The following TLL2 variants were observed in gnomAD, a reference collection of about 807,000 sequenced individuals.
The protein encoded by TLL2 is tolloid-like protein 2.
In TLL2, 106 loss-of-function variants were observed where a neutral mutation model predicts 123.0. The ratio of observed to expected loss-of-function variants is 0.86; its 90% CI spans 0.74 to 1.01. The LOEUF (loss-of-function observed/expected upper bound fraction) is 1.01. Among genes scored for constraint, TLL2 ranks in the 50% least tolerant of loss-of-function variants. The pLI, the probability that TLL2 is intolerant of heterozygous loss-of-function variation, is 0.00. For synonymous variants in TLL2, 494 were observed against 516.8 expected (o/e 0.96, Z 0.60); for missense variants, 1,332 against 1,336.7 (o/e 1.00, Z 0.06).
chr10:96,380,907 G>C (rs1424925915), intron 16 of TLL2, among the ~76,000 whole-genome samples: 2 of 151,446 alleles, frequency 1.3e-5, no homozygotes. Flanking sequence ...AAGCCAGGAG[G>C]CGGAGATTGC....
At chr10:96,392,857 C>T (rs373890845) in intron 13 of TLL2, among the ~76,000 whole-genome samples, 2 of 152,048 alleles carry the variant, frequency 1.3e-5, no homozygotes, top group African/African-American at 4.8e-5. Context: ...AATGAAGGAT[C>T]TTGGAGATGA....
At chr10:96,508,350 A>G (rs1379271229) in intron 1 of TLL2, among the ~76,000 whole-genome samples, 1 of 152,178 alleles carries the variant, frequency 6.6e-6, no homozygotes, top group Non-Finnish European at 1.5e-5. Context: ...GAGCCCCAAA[A>G]TGAAACCTGA....
chr10:96,475,689 C>T (rs565544212), intron 2 of TLL2, among the ~76,000 whole-genome samples: 1 of 152,244 alleles, frequency 6.6e-6, no homozygotes, highest in Non-Finnish European at 1.5e-5. Flanking sequence ...CCCATGTCTC[C>T]CTCCAGGGAC....
At chr10:96,421,370 TA>T (rs1211741551) in intron 6 of TLL2, among the ~76,000 whole-genome samples, 1 of 151,986 alleles carries the variant, frequency 6.6e-6, no homozygotes, top group Non-Finnish European at 1.5e-5. Context: ...AAAATAAAAA[TA>T]AAAAACTCTG....
At chr10:96,384,544 G>A (rs1204347774) in intron 16 of TLL2, 43 bp downstream of exon 16, 7 of 1,490,166 alleles carry the variant, frequency 4.7e-6, no homozygotes, top group East Asian at 5.0e-5. Context: ...CTGCAAAGCC[G>A]CCTCACTCGC....
At chr10:96,413,165 C>A in intron 8 of TLL2, 27 bp downstream of exon 8, 1 of 1,612,348 alleles carries the variant, frequency 6.2e-7, no homozygotes, top group South Asian at 1.1e-5. Context: ...TAGGGAGGTG[C>A]TGGCAGTCCC....
At position 96,420,939 on chromosome 10, in the gene TLL2, T is replaced by G. The variant is rs1421713017; in HGVS notation, c.923+17A>C. 1.9e-6 allele frequency: 3 copies of G among 1,611,658 alleles called. No homozygotes were observed. The highest frequency in any genetic ancestry group is 1.7e-6 in the Non-Finnish European group (2 of 1,177,804). On this transcript the variant is annotated intron_variant, in intron 7 of 20. Transcript: ENST00000357947. Reference sequence around the variant, plus strand: ...GGCACAGTAAAACACAGACGAGGCATAAGCATAGATTCCGACCTTGAGAAG... The same window carrying G: ...GGCACAGTAAAACACAGACGAGGCAGAAGCATAGATTCCGACCTTGAGAAG...
At position 96,513,630 on chromosome 10, in the gene TLL2, A is replaced by AGCG; in HGVS notation, c.53_55dup (p.Pro18dup). The stretch of plus-strand genomic sequence containing the variant: ...CCCGAGTCCCCCGGCGCCGCGAGGC[A>AGCG]GCGGCAGCAGCAGCAGCAGTGACAC... On this transcript the variant is annotated inframe_insertion, in exon 1 of 21. Transcript: ENST00000357947. 2 of 1,597,850 alleles carry AGCG rather than the reference A, an allele frequency of 1.3e-6. No homozygotes were observed. The highest frequency in any genetic ancestry group is 1.7e-5 in the Admixed American group (1 of 59,558).
intron 5 of TLL2, among the ~76,000 whole-genome samples, chr10:96,427,855 C>A (rs1448544984): frequency 1.3e-5 from 2 of 152,092 alleles, no homozygotes; most frequent in Non-Finnish European, 1.5e-5. Flanking sequence ...AGTGCAATGG[C>A]GGGATCTCGG....
At chr10:96,412,727 T>C (rs1846519026) in intron 8 of TLL2, among the ~76,000 whole-genome samples, 1 of 152,164 alleles carries the variant, frequency 6.6e-6, no homozygotes, top group African/African-American at 2.4e-5. Flanking sequence ...CTCCACCTTG[T>C]AGCATTTGGG....
At chr10:96,397,109 G>T in intron 11 of TLL2, 77 bp downstream of exon 11, 3 of 1,348,096 alleles carry the variant, frequency 2.2e-6, no homozygotes, top group Non-Finnish European at 3.1e-6. Context: ...TCTGGGCTGG[G>T]AGAGGGACAG....
At chr10:96,507,668 C>T (rs1281245330) in intron 1 of TLL2, among the ~76,000 whole-genome samples, 1 of 152,152 alleles carries the variant, frequency 6.6e-6, no homozygotes. Flanking sequence ...GTGGATATTA[C>T]TAGTTCTTTT....
chr10:96,444,597 A>G (rs564503342), intron 3 of TLL2, among the ~76,000 whole-genome samples: 1 of 152,332 alleles, frequency 6.6e-6, no homozygotes, highest in East Asian at 1.9e-4. Context: ...GTGCATGGAG[A>G]AAAATATGAA....
chr10:96,466,098 G>A (rs966504567), intron 2 of TLL2, among the ~76,000 whole-genome samples: 6 of 152,190 alleles, frequency 3.9e-5, no homozygotes, highest in African/African-American at 1.4e-4. Flanking sequence ...AGAGAAGAGA[G>A]GGATTCCTTG....
chr10:96,459,016 T>C (rs758355390), intron 2 of TLL2, among the ~76,000 whole-genome samples: 40 of 152,316 alleles, frequency 2.6e-4, no homozygotes, highest in Non-Finnish European at 3.8e-4. Context: ...ATAACTTTAA[T>C]AGGAAATGTG....
intron 10 of TLL2, among the ~76,000 whole-genome samples, chr10:96,402,535 C>A (rs925451803): frequency 3.3e-5 from 5 of 152,176 alleles, no homozygotes; most frequent in Non-Finnish European, 5.9e-5. Context: ...AAAGCCAGAC[C>A]CTCCTTCTGG....
chr10:96,396,242 C>T lies in TLL2; in HGVS notation c.1385-222G>A, dbSNP rs149897117. On this transcript the variant is annotated intron_variant, in intron 11 of 20. Transcript: ENST00000357947. The stretch of plus-strand genomic sequence containing the variant: ...CATATAAAGAAAAAACCACATAAAG[C>T]AGTGGTTCTCTAACTTCGCTGTGCA... Among the ~76,000 whole-genome samples, 18 of 152,274 alleles carry T rather than the reference C, an allele frequency of 1.2e-4. 1 individual carries two copies. Among genetic ancestry groups the T allele is most frequent in the African/African-American group, 4.3e-4 (18 of 41,530 alleles).
chr10:96,438,321 T>C, intron 3 of TLL2, among the ~76,000 whole-genome samples: 1 of 152,218 alleles, frequency 6.6e-6, no homozygotes, highest in South Asian at 2.1e-4. Context: ...ACACAAATCC[T>C]GTACGAATTT....
At chr10:96,472,591 G>A (rs765299351) in intron 2 of TLL2, among the ~76,000 whole-genome samples, 4 of 151,732 alleles carry the variant, frequency 2.6e-5, no homozygotes, top group South Asian at 2.1e-4. Context: ...ATGACATCTC[G>A]TCTCCACAAA....
Sources: gnomAD v4.1 joint callset for allele counts (sites outside exome capture counted in the v4.1 genomes callset) on GRCh38, gnomAD v4.1.1 for gene constraint, MANE v1.5 for transcripts, NCBI Gene and HGNC (gene_info 2026-07-23, HGNC 2026-07-21) for gene names.